C10orf67: variants seen among roughly 807,000 people sequenced by gnomAD.
C10orf67 encodes the protein uncharacterized protein C10orf67, mitochondrial.
Under a neutral mutation model 35.6 loss-of-function variants are expected in C10orf67, and 60 were observed. The observed-to-expected ratio is 1.68, with a 90% CI of 1.37 to 2.09. The LOEUF is 2.09. Ranked by LOEUF, C10orf67 falls within the 30% of genes most tolerant of loss-of-function variation. The probability of loss-of-function intolerance (pLI) is 0.00; values close to 1 mark genes in which losing one functional copy is unlikely to be tolerated. For synonymous variants in C10orf67, 167 were observed against 115.8 expected (o/e 1.44, Z -2.84); for missense variants, 474 against 330.2 (o/e 1.44, Z -3.38).
chr10:23,265,345 T>C (rs189952716), intron 10 of C10orf67, among the ~76,000 whole-genome samples: 1 of 152,320 alleles, frequency 6.6e-6, no homozygotes, highest in Admixed American at 6.5e-5. Context: ...TCTGTTCCAC[T>C]CCTCCATGCT....
chr10:23,330,241 C>T (rs542574747), intron 2 of C10orf67, among the ~76,000 whole-genome samples: 1 of 151,606 alleles, frequency 6.6e-6, no homozygotes, highest in African/African-American at 2.4e-5. Context: ...GAGGATCACT[C>T]GAGGCCAGGG....
In C10orf67 at chr10:23,266,285, C is replaced by A; in HGVS notation, c.1177G>T (p.Ala393Ser). 4 of 398,580 alleles carry A rather than the reference C, an allele frequency of 1.0e-5. No homozygotes were observed. The highest frequency in any genetic ancestry group is 1.8e-5 in the Non-Finnish European group (4 of 226,094). The allele number at this position is 398,580 out of a possible 1,614,324, so 24.7% of individuals were successfully genotyped here. ...ACCACAGCTTGGTCTTCCTTTAAAG[C>A]CTTCTTTGGCATTTTAGCTTTCTGG... ...GAQKAKMPKKALKEDQAVVED... is the reference protein window; with the variant it reads ...GAQKAKMPKKSLKEDQAVVED... The change falls in exon 10 of 16, where the codon GCT becomes TCT. Residue 393 changes from alanine to serine, a missense_variant. By Grantham distance (99) the Ala-to-Ser change is moderately conservative. Coordinates refer to ENST00000636213, the MANE Select transcript of C10orf67 (RefSeq NM_001371909.1).
intron 2 of C10orf67, among the ~76,000 whole-genome samples, chr10:23,326,913 T>G (rs1431183933): frequency 6.6e-6 from 1 of 152,070 alleles, no homozygotes; most frequent in Non-Finnish European, 1.5e-5. Context: ...AAACAAGCAT[T>G]AATTGCATAA....
intron 15 of C10orf67, among the ~76,000 whole-genome samples, chr10:23,209,413 G>A (rs1359418795): frequency 6.6e-6 from 1 of 152,028 alleles, no homozygotes; most frequent in African/African-American, 2.4e-5. Context: ...TTAAGGTGAA[G>A]GATACAATGT....
chr10:23,265,834 C>T (rs1842870891), intron 10 of C10orf67, among the ~76,000 whole-genome samples: 1 of 152,172 alleles, frequency 6.6e-6, no homozygotes, highest in Non-Finnish European at 1.5e-5. Context: ...AGAGTTCATG[C>T]ATGTCTCTGA....
intron 8 of C10orf67, among the ~76,000 whole-genome samples, chr10:23,274,796 A>G (rs890204514): frequency 6.6e-6 from 1 of 152,214 alleles, no homozygotes; most frequent in African/African-American, 2.4e-5. Flanking sequence ...AGGATTTAAT[A>G]GGCATAGGAA....
chr10:23,227,246 A>T (rs984732526), intron 13 of C10orf67, among the ~76,000 whole-genome samples: 1 of 152,348 alleles, frequency 6.6e-6, no homozygotes, highest in African/African-American at 2.4e-5. Flanking sequence ...AACATGATCA[A>T]GTGGGCTTCA....
chr10:23,277,305 C>T (rs1286849796), intron 8 of C10orf67, among the ~76,000 whole-genome samples: 1 of 152,070 alleles, frequency 6.6e-6, no homozygotes, highest in African/African-American at 2.4e-5. Context: ...GTAATTCTAG[C>T]ACTTTGGGAG....
chr10:23,313,491 C>T (rs565836876), intron 4 of C10orf67, among the ~76,000 whole-genome samples: 81 of 152,238 alleles, frequency 5.3e-4, no homozygotes, highest in African/African-American at 1.9e-3. Flanking sequence ...TGTCAAAAAC[C>T]TATTACATGC....
intron 15 of C10orf67, 74 bp from the exon 16 acceptor site, chr10:23,204,329 C>T: frequency 2.2e-6 from 1 of 451,654 alleles, no homozygotes; most frequent in Non-Finnish European, 4.1e-6. Context: ...CCACTCTTCC[C>T]CCAAAGCATT....
intron 4 of C10orf67, among the ~76,000 whole-genome samples, chr10:23,304,067 A>G (rs547676476): frequency 2.0e-5 from 3 of 152,358 alleles, no homozygotes; most frequent in Admixed American, 6.5e-5. Context: ...ACAAGCCCAC[A>G]GGCCTCAGTC....
At chr10:23,264,829 C>G (rs1842843691) in intron 10 of C10orf67, among the ~76,000 whole-genome samples, 1 of 152,210 alleles carries the variant, frequency 6.6e-6, no homozygotes, top group Non-Finnish European at 1.5e-5. Context: ...GCCATCATCT[C>G]AGAGCCTCAG....
intron 5 of C10orf67, among the ~76,000 whole-genome samples, 180 bp downstream of exon 5, chr10:23,303,124 T>C (rs990924851): frequency 6.6e-6 from 1 of 152,202 alleles, no homozygotes; most frequent in Non-Finnish European, 1.5e-5. Context: ...CTCCTATTCA[T>C]ATTGTTATGG....
chr10:23,268,470 C>A (rs1842940400), intron 8 of C10orf67, among the ~76,000 whole-genome samples: 1 of 152,102 alleles, frequency 6.6e-6, no homozygotes, highest in Non-Finnish European at 1.5e-5. Context: ...AGAAACACAT[C>A]TAACCATTAA....
At chr10:23,210,448 C>A (rs1841945722) in intron 15 of C10orf67, among the ~76,000 whole-genome samples, 1 of 151,952 alleles carries the variant, frequency 6.6e-6, no homozygotes, top group South Asian at 2.1e-4. Flanking sequence ...GAGATGAAGT[C>A]TTGCCCTGTC....
downstream of C10orf67, chr10:23,202,281 A>G (rs1841048208): frequency 6.6e-6 from 1 of 152,246 alleles, no homozygotes; most frequent in South Asian, 2.1e-4. Context: ...AAAGTCAAAG[A>G]AAAAAGGAAA....
chr10:23,204,234 T>C lies in C10orf67; in HGVS notation c.1592A>G (p.Lys531Arg). 1.5e-6 allele frequency: 1 copy of C among 653,678 alleles called. No homozygotes were observed. Among genetic ancestry groups the C allele is most frequent in the South Asian group, 1.7e-5 (1 of 58,512 alleles). The allele number at this position is 653,678 out of a possible 1,614,324, so 40.5% of individuals were successfully genotyped here. A position where few individuals can be genotyped will look rare whatever the true frequency, so the allele number is the denominator to read the frequency against. Residue 531 changes from lysine to arginine, a missense_variant, in exon 16 of 16, where the codon AAA becomes AGA. Transcript: ENST00000636213. The stretch of plus-strand genomic sequence containing the variant: ...GGAGGGCTCCTCCAAGGACTCTTCT[T>C]TTGGGGATTCCGACAACTTCCCTAA... ...SPKGKLSESP[K>R]EESLEEPSMR... is the part of the protein sequence containing the mutation.
rs1331507316 is a variant in C10orf67 at position 23,223,597 on chromosome 10, C to A, written c.1570+1G>T. 2 of 717,250 alleles carry A rather than the reference C, an allele frequency of 2.8e-6. No homozygotes were observed. The highest frequency in any genetic ancestry group is 5.2e-6 in the Non-Finnish European group (2 of 384,938). 44.4% of individuals were successfully genotyped at this position (717,250 alleles called of 1,614,324 possible). A position where few individuals can be genotyped will look rare whatever the true frequency, so the allele number is the denominator to read the frequency against. On this transcript the variant is annotated splice_donor_variant, in intron 15 of 15. Transcript: ENST00000636213. LOFTEE classifies it high-confidence loss of function. ...TCATTTCCAACAATAATGATTCTTACCTTTTGGTGAAAGTTGAAGGGCTGC... is the reference window on the plus strand; with the variant it reads ...TCATTTCCAACAATAATGATTCTTAACTTTTGGTGAAAGTTGAAGGGCTGC...
At chr10:23,325,000 G>C (rs1845125870) in intron 2 of C10orf67, among the ~76,000 whole-genome samples, 1 of 151,504 alleles carries the variant, frequency 6.6e-6, no homozygotes, top group Non-Finnish European at 1.5e-5. Context: ...TGGGGTCCCA[G>C]GTGAAAAAAA....
Sources: gnomAD v4.1 joint callset for allele counts (sites outside exome capture counted in the v4.1 genomes callset) on GRCh38, gnomAD v4.1.1 for gene constraint, MANE v1.5 for transcripts, NCBI Gene and HGNC (gene_info 2026-07-23, HGNC 2026-07-21) for gene names.